GALNT18: variants seen among roughly 807,000 people sequenced by gnomAD.
The protein encoded by GALNT18 is polypeptide N-acetylgalactosaminyltransferase 18.
GALNT18 carries 44 observed loss-of-function variants against 69.5 expected under a neutral mutation model. The ratio of observed to expected loss-of-function variants is 0.63; its 90% CI spans 0.50 to 0.81. The LOEUF is 0.81. GALNT18 is among the 40% of genes least tolerant of loss of function. The probability of loss-of-function intolerance (pLI) is 0.00; values close to 1 mark genes in which losing one functional copy is unlikely to be tolerated. For missense variants in GALNT18, 715 were observed against 810.0 expected (o/e 0.88, Z 1.42); for synonymous variants, 364 against 318.2 (o/e 1.14, Z -1.53).
rs1398388667 is a variant in GALNT18, at chr11:11,598,861, G to A, written c.235+22498C>T. 6.6e-6 allele frequency among the ~76,000 whole-genome samples: 1 copy of A among 151,868 alleles called. No homozygotes were observed. The highest frequency in any genetic ancestry group is 1.5e-5 in the Non-Finnish European group (1 of 67,948). ...CTATCCCTTGGTTATTTAGGAGTAT[G>A]TTATCTAATATCCATGTATTTTTTA... On this transcript the variant is annotated intron_variant, in intron 1 of 10. Coordinates refer to ENST00000227756, the MANE Select transcript of GALNT18 (RefSeq NM_198516.3). The surrounding 1 kb of genome is among the most constrained non-coding windows in gnomAD (Gnocchi z 4.8).
chr11:11,577,855 G>A (rs1261891928), intron 1 of GALNT18, among the ~76,000 whole-genome samples: 1 of 152,184 alleles, frequency 6.6e-6, no homozygotes, highest in East Asian at 1.9e-4. Flanking sequence ...TGTGGCCAAG[G>A]CTTCCAGGAA....
rs139812062 is a variant in GALNT18, at chr11:11,508,954, G to A, written c.236-60018C>T. On this transcript the variant is annotated intron_variant, in intron 1 of 10. Transcript: ENST00000227756. Reference sequence around the variant, plus strand: ...CTTTGATGGCTCCCAAGAACTACCCGATACAACCCAAACTCCTTATCTGGC... The same window carrying A: ...CTTTGATGGCTCCCAAGAACTACCCAATACAACCCAAACTCCTTATCTGGC... Among the ~76,000 whole-genome samples, 331 of 152,110 alleles carry A rather than the reference G, an allele frequency of 2.2e-3. 1 individual carries two copies. The highest frequency in any genetic ancestry group is 7.3e-3 in the African/African-American group (301 of 41,502).
chr11:11,344,385 G>A (rs764139623), intron 6 of GALNT18, among the ~76,000 whole-genome samples: 6 of 152,192 alleles, frequency 3.9e-5, no homozygotes, highest in Non-Finnish European at 7.3e-5. Flanking sequence ...AGGTTTACCT[G>A]GTGTGCTGTG....
In GALNT18 at chr11:11,573,601, T is replaced by C. The variant is rs1858846093; in HGVS notation, c.235+47758A>G. ...CACCCAGGAAGAGGTGCCAGCTGGA[T>C]CAGCAAGAGGCTGGTGGAGAACAAG... On this transcript the variant is annotated intron_variant, in intron 1 of 10. Coordinates refer to ENST00000227756, the MANE Select transcript of GALNT18 (RefSeq NM_198516.3). The surrounding 1 kb of genome is among the most constrained non-coding windows in gnomAD (Gnocchi z 4.6). 6.6e-6 allele frequency: 1 copy of C among 152,156 alleles called. No individual in the cohort carries two copies. The highest frequency in any genetic ancestry group is 6.5e-5 in the Admixed American group (1 of 15,282). The allele number at this position is 152,156 out of a possible 1,614,324, so 9.4% of individuals were successfully genotyped here. A position where few individuals can be genotyped will look rare whatever the true frequency, so the allele number is the denominator to read the frequency against.
At chr11:11,304,986 A>G (rs1268185543) in intron 9 of GALNT18, among the ~76,000 whole-genome samples, 1 of 152,206 alleles carries the variant, frequency 6.6e-6, no homozygotes, top group African/African-American at 2.4e-5. Context: ...TGCGGACATC[A>G]GCCTAAGATG....
At chr11:11,569,290 T>A (rs1858728410) in intron 1 of GALNT18, among the ~76,000 whole-genome samples, 1 of 149,112 alleles carries the variant, frequency 6.7e-6, no homozygotes. Context: ...ATCAAGGAAG[T>A]GAGCTCAATG....
chr11:11,481,318 G>T (rs566737308), intron 1 of GALNT18, among the ~76,000 whole-genome samples: 1 of 152,032 alleles, frequency 6.6e-6, no homozygotes, highest in African/African-American at 2.4e-5. Flanking sequence ...CTCCTCGCTG[G>T]TCTTAGCTTA....
At chr11:11,452,630 C>T (rs2133825409) in intron 1 of GALNT18, among the ~76,000 whole-genome samples, 1 of 152,304 alleles carries the variant, frequency 6.6e-6, no homozygotes, top group Non-Finnish European at 1.5e-5. Context: ...AGCAGGCCTA[C>T]ATGGTCATCC....
intron 1 of GALNT18, among the ~76,000 whole-genome samples, chr11:11,453,829 C>T (rs1466476341): frequency 6.6e-6 from 1 of 152,198 alleles, no homozygotes; most frequent in African/African-American, 2.4e-5. Context: ...ACTGTGAGTC[C>T]ATTAAGCCTT....
In GALNT18 at chr11:11,432,871, C is replaced by A; in HGVS notation, c.429-84G>T. 1 of 1,441,634 alleles carries A rather than the reference C, an allele frequency of 6.9e-7. No homozygotes were observed. The highest frequency in any genetic ancestry group is 9.5e-7 in the Non-Finnish European group (1 of 1,055,468). The allele number at this position is 1,441,634 out of a possible 1,614,324, so 89.3% of individuals were successfully genotyped here. On this transcript the variant is annotated intron_variant, in intron 2 of 10. Transcript: ENST00000227756. The surrounding 1 kb of genome is among the most constrained non-coding windows in gnomAD (Gnocchi z 5.8). ...GACCCAGCCCATGTCCTGGCTCCAG[C>A]TTTGCTGGAGGGCTCGGGAGTCCAG...
chr11:11,396,445 A>C lies in GALNT18; in HGVS notation c.596-17181T>G, dbSNP rs757168772. On this transcript the variant is annotated intron_variant, in intron 3 of 10. Transcript: ENST00000227756. The surrounding 1 kb of genome is among the most constrained non-coding windows in gnomAD (Gnocchi z 5.2). ...TGCAGGGATGATGGAGAAAGAATTC[A>C]CGTGTGGGAGGTACCGATGAATCAG... Among the ~76,000 whole-genome samples, 4 of 152,270 alleles carry C rather than the reference A, an allele frequency of 2.6e-5. No homozygotes were observed. The highest frequency in any genetic ancestry group is 4.2e-4 in the South Asian group (2 of 4,816).
At chr11:11,272,465 T>A (rs1477817070) in intron 10 of GALNT18, among the ~76,000 whole-genome samples, 1 of 152,138 alleles carries the variant, frequency 6.6e-6, no homozygotes, top group African/African-American at 2.4e-5. Flanking sequence ...AAGTCCAAGC[T>A]CCTCAGTGCA....
At chr11:11,447,698 C>T (rs143845535) in intron 2 of GALNT18, among the ~76,000 whole-genome samples, 3,068 of 152,204 alleles carry the variant, frequency 0.02, 104 homozygotes, top group African/African-American at 0.069. Context: ...AAATGCCAGA[C>T]GCTTATAAAA....
intron 9 of GALNT18, among the ~76,000 whole-genome samples, chr11:11,307,912 GGACA>G (rs1275647477): frequency 1.3e-5 from 2 of 152,198 alleles, no homozygotes; most frequent in Non-Finnish European, 2.9e-5. Flanking sequence ...GTTGCCACGA[GGACA>G]GACAGAGTTT....
intron 1 of GALNT18, among the ~76,000 whole-genome samples, chr11:11,524,797 A>C (rs1051190246): frequency 6.6e-6 from 1 of 152,264 alleles, no homozygotes; most frequent in Non-Finnish European, 1.5e-5. Flanking sequence ...ACCATTGTCT[A>C]GTGAACAAAC....
chr11:11,608,564 T>C (rs1238853296), intron 1 of GALNT18, among the ~76,000 whole-genome samples: 4 of 152,134 alleles, frequency 2.6e-5, no homozygotes, highest in African/African-American at 9.7e-5. Flanking sequence ...GATTTCATCA[T>C]GTTGGTCAGG....
chr11:11,377,450 G>C lies in GALNT18; in HGVS notation c.780-71C>G. 7.3e-7 allele frequency: 1 copy of C among 1,373,976 alleles called. No individual in the cohort carries two copies. The highest frequency in any genetic ancestry group is 1.0e-6 in the Non-Finnish European group (1 of 969,238). The allele number at this position is 1,373,976 out of a possible 1,614,324, so 85.1% of individuals were successfully genotyped here. A position where few individuals can be genotyped will look rare whatever the true frequency, so the allele number is the denominator to read the frequency against. On this transcript the variant is annotated intron_variant, in intron 4 of 10. Coordinates refer to ENST00000227756, the MANE Select transcript of GALNT18 (RefSeq NM_198516.3). This position sits in a 1 kb window ranked among gnomAD's most constrained non-coding sequence, Gnocchi z 4.6. ...GGAAAAATCCAGAGTAGCATCTCCT[G>C]AAGGTCCTTCCCCAGCAGAAAGAGG... is the stretch of plus-strand genomic sequence containing the variant.
At chr11:11,283,713 T>G (rs1157118814) in intron 10 of GALNT18, among the ~76,000 whole-genome samples, 4 of 152,170 alleles carry the variant, frequency 2.6e-5, no homozygotes, top group African/African-American at 9.7e-5. Context: ...ATCTACATTA[T>G]TTGTGTAATA....
intron 10 of GALNT18, among the ~76,000 whole-genome samples, chr11:11,285,630 C>T (rs1051139783): frequency 1.3e-5 from 2 of 152,180 alleles, no homozygotes; most frequent in African/African-American, 4.8e-5. Context: ...ACACTTGTCC[C>T]TTCATATGAC....
Sources: gnomAD v4.1 joint callset for allele counts (sites outside exome capture counted in the v4.1 genomes callset) on GRCh38, gnomAD v4.1.1 for gene constraint, Gnocchi (gnomAD v3.1) non-coding constraint, MANE v1.5 for transcripts, NCBI Gene and HGNC (gene_info 2026-07-23, HGNC 2026-07-21) for gene names.